Variants in FAT2 observed in about 807,000 individuals in gnomAD.
FAT2 encodes the protein FAT atypical cadherin 2.
A neutral mutation model predicts 295.3 loss-of-function variants in FAT2; 150 were observed. The observed-to-expected ratio is 0.51, with a 90% confidence interval of 0.44 to 0.58. The LOEUF (loss-of-function observed/expected upper bound fraction) is 0.58, where lower values mean the gene tolerates loss of function less well. FAT2 is among the 20% of genes least tolerant of loss of function. The probability of loss-of-function intolerance (pLI) is 0.00; values close to 1 mark genes in which losing one functional copy is unlikely to be tolerated. For missense variants in FAT2, 4,868 were observed against 5,442.7 expected (o/e 0.89, Z 3.32); for synonymous variants, 2,026 against 2,150.3 (o/e 0.94, Z 1.60).
At chr5:151,591,593 G>A (rs562468728), upstream of FAT2, among the ~76,000 whole-genome samples, 7 of 152,218 alleles carry the variant, frequency 4.6e-5, no homozygotes, top group Admixed American at 3.3e-4. Flanking sequence ...CAGTCACACA[G>A]AGACCACAAG....
rs1756228930 is a variant in FAT2, at chr5:151,542,296, C to T, written c.8831G>A (p.Cys2944Tyr). 1 of 1,597,930 alleles carries T rather than the reference C, an allele frequency of 6.3e-7. No homozygotes were observed. The highest frequency in any genetic ancestry group is 1.1e-5 in the South Asian group (1 of 87,770). ...ACAGGTGTTCTTACCTGTGATGTAG[C>T]AGGTGACCTGCCTGTTCTGCTCAGA... ...DISEQNRQVT[C>Y]YITEGDPLGQ... The change falls in exon 10 of 24, where the codon TGC becomes TAC. Residue 2944 changes from cysteine to tyrosine, a missense_variant. Transcript: ENST00000261800.
chr5:151,569,509 G>T (rs1758440672), intron 1 of FAT2, among the ~76,000 whole-genome samples: 1 of 152,110 alleles, frequency 6.6e-6, no homozygotes, highest in Non-Finnish European at 1.5e-5. Context: ...ATGAGATTTG[G>T]GTGGGAACAC....
Position 151,544,566 on chromosome 5 carries a change from A to G in FAT2, c.6561T>C (p.Tyr2187=), listed in dbSNP as rs1470378169. ...KVRVPENITL[Y]TPILHTQARS... ...GGGCCTGGGTGTGGAGAATTGGGGT[A>G]TAGAGGGTGATATTTTCAGGTACTC... Residue 2187 remains tyrosine (Y), a synonymous_variant, in exon 10 of 24, where the codon TAT becomes TAC. Transcript: ENST00000261800. 1 of 1,614,024 alleles carries G rather than the reference A, an allele frequency of 6.2e-7. No individual in the cohort carries two copies. The highest frequency in any genetic ancestry group is 2.2e-5 in the East Asian group (1 of 44,868).
chr5:151,517,984 C>A (rs1263832678), intron 19 of FAT2, among the ~76,000 whole-genome samples: 1 of 152,152 alleles, frequency 6.6e-6, no homozygotes, highest in African/African-American at 2.4e-5. Flanking sequence ...ACTGCAGGGA[C>A]CCCTGCCTTA....
intron 1 of FAT2, among the ~76,000 whole-genome samples, chr5:151,571,307 C>A (rs778693099): frequency 5.9e-5 from 9 of 152,052 alleles, no homozygotes; most frequent in African/African-American, 1.2e-4. Flanking sequence ...GAAGTTGAAA[C>A]CCCAAGGGAA....
intron 19 of FAT2, among the ~76,000 whole-genome samples, 200 bp from the exon 20 acceptor site, chr5:151,517,965 C>T (rs148161056): frequency 6.6e-6 from 1 of 152,186 alleles, no homozygotes; most frequent in African/African-American, 2.4e-5. Flanking sequence ...TTCACCCTAC[C>T]TTTTGTTGAC....
At chr5:151,530,509 G>A (rs1754476410) in intron 14 of FAT2, among the ~76,000 whole-genome samples, 1 of 152,138 alleles carries the variant, frequency 6.6e-6, no homozygotes, top group Non-Finnish European at 1.5e-5. Context: ...ATGGCAGGGG[G>A]AAATAAAGAG....
rs1157853337 is a variant in FAT2 at position 151,504,159 on chromosome 5, ACACT to A, written c.*1402_*1405del. ...CAATGAAACTATGTATCTGTCACTC[ACACT>A]CACAGTCACACACACAGCCACAAAC... On this transcript the variant is annotated 3_prime_UTR_variant, in exon 24 of 24. Transcript: ENST00000261800. 4.6e-5 allele frequency: 7 copies of A among 152,636 alleles called. No homozygotes were observed. The highest frequency in any genetic ancestry group is 1.7e-4 in the African/African-American group (7 of 41,434). The allele number at this position is 152,636 out of a possible 1,614,324, so 9.5% of individuals were successfully genotyped here.
chr5:151,513,634 T>TATCA (rs1752547281), intron 20 of FAT2, among the ~76,000 whole-genome samples: 1 of 152,092 alleles, frequency 6.6e-6, no homozygotes, highest in Admixed American at 6.6e-5. Context: ...AAAAACTACC[T>TATCA]ATCAGGAACT....
intron 4 of FAT2, among the ~76,000 whole-genome samples, chr5:151,555,663 C>G (rs1757631095): frequency 6.6e-6 from 1 of 152,174 alleles, no homozygotes; most frequent in African/African-American, 2.4e-5. Context: ...AGCCACCGTG[C>G]CTGGCTAATA....
chr5:151,545,931 G>GCCTC lies in FAT2; in HGVS notation c.5192_5195dup (p.Ser1733ArgfsTer10). On this transcript the variant is annotated frameshift_variant, in exon 10 of 24. Transcript: ENST00000261800. LOFTEE classifies it high-confidence loss of function. ...CAGTAAATGCACCTGCCATATTGCT[G>GCCTC]CCTCGGATTTTCAGCTGGTAAGACG... 1 of 1,614,068 alleles carries GCCTC rather than the reference G, an allele frequency of 6.2e-7. No individual in the cohort carries two copies. Among genetic ancestry groups the GCCTC allele is most frequent in the Non-Finnish European group, 8.5e-7 (1 of 1,180,014 alleles).
intron 4 of FAT2, 117 bp from the exon 5 acceptor site, chr5:151,554,790 T>C (rs987845833): frequency 3.7e-6 from 3 of 800,356 alleles, no homozygotes; most frequent in African/African-American, 3.5e-5. Context: ...TACTTTTTAT[T>C]ATCATAACTT....
chr5:151,546,095 G>A lies in FAT2; in HGVS notation c.5032C>T (p.Pro1678Ser), dbSNP rs1219369685. ...EIPESIPVGS[P>S]ILLVSAMSPS... ...CTCATAGCAGAGACAAGGAGGATTG[G>A]GGAACCAACAGGGATTGATTCAGGG... is the stretch of plus-strand genomic sequence containing the variant. Residue 1678 changes from proline to serine, a missense_variant, in exon 10 of 24, where the codon CCA becomes TCA. Around this residue, in one of 5 missense-constraint regions of FAT2, gnomAD observed 3,297 missense variants for 3,669.4 expected, o/e 0.90. Coordinates refer to ENST00000261800, the MANE Select transcript of FAT2 (RefSeq NM_001447.3). 18 of 1,614,070 alleles carry A rather than the reference G, an allele frequency of 1.1e-5. No individual in the cohort carries two copies. Among genetic ancestry groups the A allele is most frequent in the Non-Finnish European group, 1.4e-5 (17 of 1,180,008 alleles).
chr5:151,590,398 G>C (rs905967853), intron 1 of FAT2, among the ~76,000 whole-genome samples: 1 of 152,214 alleles, frequency 6.6e-6, no homozygotes, highest in Non-Finnish European at 1.5e-5. Context: ...CCGGCTCTGA[G>C]AACTGAACTC....
intron 1 of FAT2, among the ~76,000 whole-genome samples, chr5:151,587,166 CAAAAA>C (rs71575107): frequency 6.8e-6 from 1 of 147,134 alleles, no homozygotes; most frequent in Admixed American, 6.8e-5. Context: ...CAAAACAAAA[CAAAAA>C]AAAAACAAAA....
At position 151,540,554 on chromosome 5, in the gene FAT2, G is replaced by C. The variant is rs201181566; in HGVS notation, c.9039+13C>G. 38 of 1,593,770 alleles carry C rather than the reference G, an allele frequency of 2.4e-5. No individual in the cohort carries two copies. The highest frequency in any genetic ancestry group is 3.6e-4 in the Middle Eastern group (2 of 5,580). On this transcript the variant is annotated intron_variant, in intron 11 of 23. Transcript: ENST00000261800. ...GCCTTCACTACCCACTCCACCCCTC[G>C]CCAGGCTCTCACCTGTGAACACTGT...
Position 151,512,533 on chromosome 5 carries a change from T to C in FAT2, c.11537A>G (p.His3846Arg), listed in dbSNP as rs1761402089. 6 of 1,614,168 alleles carry C rather than the reference T, an allele frequency of 3.7e-6. No individual in the cohort carries two copies. The Middle Eastern group carries it at 5.0e-4, about 133-fold the overall frequency. Residue 3846 changes from histidine to arginine, a missense_variant, in exon 21 of 24, where the codon CAT (histidine) becomes CGT (arginine). Physicochemically the swap from His to Arg is conservative, Grantham distance 29. Around this residue, in one of 5 missense-constraint regions of FAT2, gnomAD observed 1,046 missense variants for 1,210.1 expected, o/e 0.86. Transcript: ENST00000261800. This position sits in a 1 kb window ranked among gnomAD's most constrained non-coding sequence, Gnocchi z 4.1. ...GGAGTGCCACTCGTGGTCATTCACA[T>C]GGCGCTGGGAGGAAAGGTTTCCATA... ...GFYGNLSSQR[H>R]VNDHEWHSIL...
intron 15 of FAT2, 89 bp from the exon 16 acceptor site, chr5:151,528,222 T>TCACTGGGGCAGG: frequency 6.7e-7 from 1 of 1,491,890 alleles, no homozygotes; most frequent in Non-Finnish European, 9.1e-7. Flanking sequence ...CCTGCCCCAG[T>TCACTGGGGCAGG]GACTGCCTTT....
intron 1 of FAT2, among the ~76,000 whole-genome samples, chr5:151,577,820 T>C (rs1218560610): frequency 6.6e-6 from 1 of 152,108 alleles, no homozygotes; most frequent in East Asian, 1.9e-4. Flanking sequence ...TAGGGTTGTC[T>C]GTACGGATCT....
Sources: gnomAD v4.1 joint callset for allele counts (sites outside exome capture counted in the v4.1 genomes callset) on GRCh38, gnomAD v4.1.1 for gene constraint, gnomAD v4.1.1 regional missense constraint, Gnocchi (gnomAD v3.1) non-coding constraint, MANE v1.5 for transcripts, NCBI Gene and HGNC (gene_info 2026-07-23, HGNC 2026-07-21) for gene names.